LAMA3: variants seen among roughly 807,000 people sequenced by gnomAD.
LAMA3 encodes laminin subunit alpha 3.
Under a neutral mutation model 402.0 loss-of-function variants are expected in LAMA3, and 281 were observed. The ratio of observed to expected loss-of-function variants is 0.70; its 90% CI spans 0.63 to 0.77. The LOEUF (loss-of-function observed/expected upper bound fraction) is 0.77, where lower values mean the gene tolerates loss of function less well. LAMA3 is among the 30% of genes least tolerant of loss of function. LAMA3 has a pLI of 0.00. For synonymous variants in LAMA3, 1,431 were observed against 1,558.4 expected (o/e 0.92, Z 1.93); for missense variants, 3,840 against 4,215.5 (o/e 0.91, Z 2.47).
At chr18:23,899,196 A>G in intron 46 of LAMA3, 92 bp from the exon 47 acceptor site, 1 of 1,333,078 alleles carries the variant, frequency 7.5e-7, no homozygotes, top group East Asian at 2.5e-5. Context: ...ACTAATATAA[A>G]ATCTCCATAG....
chr18:23,820,081 G>A (rs2063255616), intron 19 of LAMA3, 84 bp downstream of exon 19: 1 of 1,345,870 alleles, frequency 7.4e-7, no homozygotes, highest in African/African-American at 1.4e-5. Context: ...CCTGAAAGGT[G>A]ACCTGTCCCC....
intron 5 of LAMA3, among the ~76,000 whole-genome samples, chr18:23,751,491 A>G (rs970667060): frequency 6.6e-6 from 1 of 152,158 alleles, no homozygotes; most frequent in Non-Finnish European, 1.5e-5. Context: ...GGTTCTTTCT[A>G]TCCAGAGGTG....
intron 62 of LAMA3, among the ~76,000 whole-genome samples, chr18:23,923,496 A>G (rs887852739): frequency 1.3e-5 from 2 of 152,204 alleles, no homozygotes; most frequent in African/African-American, 4.8e-5. Context: ...AAAAGCAGTC[A>G]AGAATGATGC....
At chr18:23,910,584 T>C (rs1373490452) in intron 55 of LAMA3, among the ~76,000 whole-genome samples, 1 of 152,206 alleles carries the variant, frequency 6.6e-6, no homozygotes, top group Non-Finnish European at 1.5e-5. Context: ...TAGAGGTGTG[T>C]TATGTGTATC....
intron 23 of LAMA3, among the ~76,000 whole-genome samples, chr18:23,833,261 G>A (rs556499616): frequency 1.3e-5 from 2 of 152,138 alleles, no homozygotes; most frequent in African/African-American, 2.4e-5. Context: ...GAAACAAAAC[G>A]TGTGTGCATA....
intron 38 of LAMA3, 30 bp from the exon 39 acceptor site, chr18:23,876,264 T>C: frequency 7.1e-7 from 1 of 1,405,176 alleles, no homozygotes; most frequent in Non-Finnish European, 1.0e-6. Flanking sequence ...TCTTTCTTTG[T>C]ATTGATTAAA....
At chr18:23,770,772 A>G (rs2062182078) in intron 8 of LAMA3, among the ~76,000 whole-genome samples, 1 of 152,200 alleles carries the variant, frequency 6.6e-6, no homozygotes. Context: ...AAAACAAAAC[A>G]AAACAAAACA....
intron 2 of LAMA3, among the ~76,000 whole-genome samples, chr18:23,735,866 A>G (rs1023593653): frequency 3.3e-5 from 5 of 152,018 alleles, no homozygotes; most frequent in Non-Finnish European, 5.9e-5. Flanking sequence ...CTGAGCAGAG[A>G]AGAGCCACAT....
chr18:23,737,217 C>T (rs543941122), intron 2 of LAMA3, among the ~76,000 whole-genome samples: 37 of 152,180 alleles, frequency 2.4e-4, no homozygotes, highest in Non-Finnish European at 5.1e-4. Context: ...GGGTAGGCTG[C>T]CATCCCTGCC....
rs1337980671 is a variant in LAMA3 at position 23,689,763 on chromosome 18, G to C, written c.80G>C (p.Arg27Pro). 2.6e-6 allele frequency: 4 copies of C among 1,523,522 alleles called. No individual in the cohort carries two copies. The highest frequency in any genetic ancestry group is 2.0e-5 in the Admixed American group (1 of 49,764). The allele number at this position is 1,523,522 out of a possible 1,614,324, so 94.4% of individuals were successfully genotyped here. Residue 27 changes from arginine (R) to proline (P), a missense_variant, in exon 1 of 75, where the codon CGG becomes CCG. Physicochemically the swap from Arg to Pro is moderately radical, Grantham distance 103 (BLOSUM62 -2). This residue lies in a region of LAMA3 where 2,109 missense variants were observed against 2,376.0 expected (regional missense o/e 0.89). Transcript: ENST00000313654. ...PPTPLLLLVL[R>P]VLPACGATAR... The stretch of plus-strand genomic sequence containing the variant: ...ACGCCGCTGCTCCTGCTGGTACTGC[G>C]GGTGCTGCCAGCCTGCGGGGCGACC...
intron 55 of LAMA3, among the ~76,000 whole-genome samples, chr18:23,909,560 T>C (rs1293994207): frequency 6.6e-6 from 1 of 152,224 alleles, no homozygotes; most frequent in African/African-American, 2.4e-5. Context: ...AAGGATTTTC[T>C]TCCAGGCCCC....
chr18:23,858,031 C>G (rs1284218048), intron 33 of LAMA3, 43 bp downstream of exon 33: 1 of 1,612,800 alleles, frequency 6.2e-7, no homozygotes, highest in South Asian at 1.1e-5. Flanking sequence ...TGCCGGTCAG[C>G]AGGAAAGTGC....
Position 23,751,031 on chromosome 18 carries a change from T to C in LAMA3, c.798T>C (p.Asn266=). ...TNIRLRFLRT[N]TLLGHLISKA... is the part of the protein sequence containing the mutation. ...TCCGCTTGCGTTTTCTTAGAACCAA[T>C]ACGCTTCTTGGACACCTCATCTCCA... Residue 266 remains asparagine (N), a synonymous_variant, in exon 5 of 75, where the codon AAT becomes AAC. Transcript: ENST00000313654. 2 of 1,614,202 alleles carry C rather than the reference T, an allele frequency of 1.2e-6. No individual in the cohort carries two copies. The highest frequency in any genetic ancestry group is 1.3e-5 in the African/African-American group (1 of 75,054).
intron 32 of LAMA3, among the ~76,000 whole-genome samples, chr18:23,851,407 C>T (rs538870229): frequency 2.6e-5 from 4 of 152,160 alleles, no homozygotes; most frequent in South Asian, 4.1e-4. Context: ...GTGTGAGTTG[C>T]GTCCTGTCTC....
At chr18:23,709,839 T>C in intron 1 of LAMA3, 1 of 681,794 alleles carries the variant, frequency 1.5e-6, no homozygotes, top group Non-Finnish European at 2.7e-6. Context: ...CCCAATTTTG[T>C]TGGCAACATC....
intron 59 of LAMA3, among the ~76,000 whole-genome samples, chr18:23,916,005 C>CAAAAAA (rs1408575781): frequency 2.4e-4 from 10 of 41,948 alleles, no homozygotes; most frequent in South Asian, 1.7e-3. Context: ...GACTCCATCT[C>CAAAAAA]CAAAAAAAAA....
At chr18:23,780,639 C>T (rs2062419250) in intron 11 of LAMA3, among the ~76,000 whole-genome samples, 2 of 152,150 alleles carry the variant, frequency 1.3e-5, no homozygotes, top group African/African-American at 4.8e-5. Context: ...TGTGCCTCAT[C>T]TAAGGGGCAT....
intron 12 of LAMA3, among the ~76,000 whole-genome samples, chr18:23,790,854 C>T (rs2062636805): frequency 6.6e-6 from 1 of 151,868 alleles, no homozygotes; most frequent in Admixed American, 6.6e-5. Context: ...AAGAGATAAA[C>T]ATGAAGAACT....
chr18:23,844,311 T>C (rs1346060102), intron 29 of LAMA3, among the ~76,000 whole-genome samples: 1 of 152,246 alleles, frequency 6.6e-6, no homozygotes, highest in Admixed American at 6.5e-5. Flanking sequence ...GTACCAAGTA[T>C]GATGAAAGCT....
Sources: allele counts gnomAD v4.1 joint callset (sites outside exome capture counted in the v4.1 genomes callset), GRCh38; gene constraint gnomAD v4.1.1; regional missense constraint gnomAD v4.1.1; transcripts MANE v1.5; gene names NCBI Gene and HGNC (gene_info 2026-07-23, HGNC 2026-07-21).